Variants in DPP6 observed in about 807,000 individuals in gnomAD.
DPP6 encodes A-type potassium channel modulatory protein DPP6.
A neutral mutation model predicts 122.6 loss-of-function variants in DPP6; 69 were observed. The observed-to-expected ratio is 0.56, with a 90% CI of 0.46 to 0.69. The LOEUF (loss-of-function observed/expected upper bound fraction) is 0.69. Ranked by LOEUF, DPP6 falls within the 30% of genes least tolerant of loss-of-function variation. DPP6 has a pLI of 0.00. For missense variants in DPP6, 928 were observed against 1,116.9 expected (o/e 0.83, Z 2.41); for synonymous variants, 418 against 433.1 (o/e 0.97, Z 0.43).
intron 2 of DPP6, among the ~76,000 whole-genome samples, chr7:154,449,501 G>A (rs1011832861): frequency 5.3e-5 from 8 of 152,100 alleles, no homozygotes; most frequent in African/African-American, 1.4e-4. Context: ...GATAAATTGT[G>A]TGGCCTCTGT....
intron 5 of DPP6, among the ~76,000 whole-genome samples, chr7:154,617,219 A>T (rs954729931): frequency 1.3e-5 from 2 of 152,220 alleles, no homozygotes; most frequent in Non-Finnish European, 2.9e-5. Flanking sequence ...CTTTGAGGAC[A>T]GAAGGGCAGG....
chr7:154,060,412 G>T lies in DPP6; in HGVS notation c.243+7349G>T, dbSNP rs377030724. Among the ~76,000 whole-genome samples, 53 of 130,544 alleles carry T rather than the reference G, an allele frequency of 4.1e-4. 2 individuals are homozygous for T. The highest frequency in any genetic ancestry group is 1.2e-3 in the South Asian group (5 of 4,032). The allele number at this position is 130,544 out of a possible 152,430, so 85.6% of individuals were successfully genotyped here. ...GCTCTTAGGACCCCCATCGCAGAGG[G>T]GGGAGGCACCCCCCGCGAGGCGGGG... On this transcript the variant is annotated intron_variant, in intron 1 of 25. Coordinates refer to ENST00000377770, the MANE Select transcript of DPP6 (RefSeq NM_130797.4).
At chr7:154,343,030 C>T (rs146924611) in intron 1 of DPP6, among the ~76,000 whole-genome samples, 151 of 152,336 alleles carry the variant, frequency 9.9e-4, no homozygotes, top group African/African-American at 3.5e-3. Flanking sequence ...AACCAAGGTA[C>T]AGCAAGATTG....
chr7:153,855,603 G>A, the DPP6 span, among the ~76,000 whole-genome samples: 1 of 152,148 alleles, frequency 6.6e-6, no homozygotes. Context: ...ATCAGCTGAT[G>A]ATTAGACAGA....
In DPP6 at chr7:154,052,989, G is replaced by T; in HGVS notation, c.169G>T (p.Gly57Cys). 5.1e-6 allele frequency: 5 copies of T among 988,048 alleles called. No homozygotes were observed. The East Asian group carries it at 3.1e-4, about 62-fold the overall frequency. The allele number at this position is 988,048 out of a possible 1,614,324, so 61.2% of individuals were successfully genotyped here. A position where few individuals can be genotyped will look rare whatever the true frequency, so the allele number is the denominator to read the frequency against. ...GCAGGCGGCGGCGCCCCGGGAGCGC[G>T]GCGGCGGCGGCGGCGGCGCGGGTGG... ...RAQAAAPRER[G>C]GGGGGAGGRP... is the part of the protein sequence containing the mutation. Residue 57 changes from glycine (G) to cysteine (C), a missense_variant, in exon 1 of 26, where the codon GGC (glycine) becomes TGC (cysteine). Gly to Cys is a radical substitution (Grantham distance 159). Transcript: ENST00000377770. This position sits in a 1 kb window ranked among gnomAD's most constrained non-coding sequence, Gnocchi z 4.8.
rs918109785 is a variant in DPP6, at chr7:154,052,773, C to G, written c.-48C>G. 3.5e-6 allele frequency: 5 copies of G among 1,431,402 alleles called. No homozygotes were observed. The highest frequency in any genetic ancestry group is 2.1e-5 in the Admixed American group (1 of 47,034). 88.7% of individuals were successfully genotyped at this position (1,431,402 alleles called of 1,614,324 possible). ...TGGGGAGTGGGAACCGGAGAGAAAG[C>G]AAAATATTAAAAAGCCCCAAAGACA... On this transcript the variant is annotated 5_prime_UTR_variant, in exon 1 of 26. Coordinates refer to ENST00000377770, the MANE Select transcript of DPP6 (RefSeq NM_130797.4). This position sits in a 1 kb window ranked among gnomAD's most constrained non-coding sequence, Gnocchi z 4.8.
At chr7:153,772,972 G>T in the DPP6 span, among the ~76,000 whole-genome samples, 8 of 59,060 alleles carry the variant, frequency 1.4e-4, no homozygotes, top group South Asian at 3.4e-3. Flanking sequence ...TAAAAGAAAA[G>T]ACTTATATAT....
intron 5 of DPP6, among the ~76,000 whole-genome samples, chr7:154,611,801 C>A (rs755328598): frequency 6.6e-6 from 1 of 151,786 alleles, no homozygotes; most frequent in Non-Finnish European, 1.5e-5. Flanking sequence ...ATATCAAAAC[C>A]AAGATGTTGA....
intron 3 of DPP6, among the ~76,000 whole-genome samples, chr7:154,513,677 T>C (rs1826260039): frequency 1.3e-5 from 2 of 152,174 alleles, no homozygotes; most frequent in Non-Finnish European, 2.9e-5. Flanking sequence ...AGCCCTGCAC[T>C]GATTCCACCA....
chr7:154,110,242 T>C (rs1282359645), intron 1 of DPP6, among the ~76,000 whole-genome samples: 5 of 152,128 alleles, frequency 3.3e-5, no homozygotes, highest in Non-Finnish European at 7.3e-5. Context: ...TGCAATGAGT[T>C]TGTTCAATTC....
chr7:153,990,548 G>C (rs1255801555), intron 1 of DPP6, among the ~76,000 whole-genome samples: 1 of 152,106 alleles, frequency 6.6e-6, no homozygotes, highest in Non-Finnish European at 1.5e-5. Context: ...TTTAGTACCA[G>C]TTCCTATTGT....
chr7:153,988,525 T>C (rs1274920554), intron 1 of DPP6, among the ~76,000 whole-genome samples: 3 of 152,340 alleles, frequency 2.0e-5, no homozygotes, highest in African/African-American at 7.2e-5. Context: ...TTCCAAGTTC[T>C]GGCCTCACCC....
intron 3 of DPP6, among the ~76,000 whole-genome samples, chr7:154,478,108 G>A (rs1158818724): frequency 1.3e-5 from 2 of 151,910 alleles, no homozygotes; most frequent in African/African-American, 4.8e-5. Context: ...GATGAACGGA[G>A]TCTTTATAAT....
intron 1 of DPP6, among the ~76,000 whole-genome samples, chr7:154,074,566 T>C (rs185847269): frequency 1.1e-3 from 171 of 152,348 alleles, no homozygotes; most frequent in Non-Finnish European, 1.8e-3. Context: ...ATAAATTCAT[T>C]TAATCTTTGC....
chr7:154,402,720 C>T (rs1239987367), intron 1 of DPP6, among the ~76,000 whole-genome samples: 3 of 149,600 alleles, frequency 2.0e-5, no homozygotes, highest in Non-Finnish European at 4.4e-5. Flanking sequence ...GCACAATGTG[C>T]ACATGTACCC....
At position 154,406,488 on chromosome 7, in the gene DPP6, CACATGCACACAT is replaced by C. The variant is rs1316000670; in HGVS notation, c.244-39714_244-39703del. 2.0e-4 allele frequency among the ~76,000 whole-genome samples: 30 copies of C among 151,794 alleles called. No individual in the cohort carries two copies. The South Asian group carries it at 4.0e-3, about 20-fold the overall frequency. ...GCACACGCACACGCATACACACACA[CACATGCACACAT>C]ACATGCACACACATCCACGCACAAA... On this transcript the variant is annotated intron_variant, in intron 1 of 25. Coordinates refer to ENST00000377770, the MANE Select transcript of DPP6 (RefSeq NM_130797.4).
At chr7:154,372,050 C>T (rs1299997797) in intron 1 of DPP6, among the ~76,000 whole-genome samples, 1 of 151,936 alleles carries the variant, frequency 6.6e-6, no homozygotes, top group Non-Finnish European at 1.5e-5. Context: ...AGAACAGGTG[C>T]CCTAGCAGAG....
intron 7 of DPP6, among the ~76,000 whole-genome samples, chr7:154,709,054 T>TA (rs58434143): frequency 6.6e-6 from 1 of 151,288 alleles, no homozygotes; most frequent in Non-Finnish European, 1.5e-5. Context: ...TCTCAAAAAA[T>TA]AAATAAAAAT....
chr7:153,916,698 C>T (rs1800343230), intron 1 of DPP6, among the ~76,000 whole-genome samples: 1 of 152,176 alleles, frequency 6.6e-6, no homozygotes, highest in Admixed American at 6.5e-5. Context: ...TGAGCTACTG[C>T]ACCCGGCCTT....
Sources: allele counts gnomAD v4.1 joint callset (sites outside exome capture counted in the v4.1 genomes callset), GRCh38; gene constraint gnomAD v4.1.1; non-coding constraint Gnocchi (gnomAD v3.1); transcripts MANE v1.5; gene names NCBI Gene and HGNC (gene_info 2026-07-23, HGNC 2026-07-21).